The following CYP4X1 variants were observed in gnomAD, a reference collection of about 807,000 sequenced individuals.
CYP4X1 encodes cytochrome P450 family 4 subfamily X member 1, also known as cytochrome P450 4X1.
Under a neutral mutation model 57.9 loss-of-function variants are expected in CYP4X1, and 44 were observed. The observed-to-expected ratio is 0.76, with a 90% CI of 0.60 to 0.98. The LOEUF is 0.98. CYP4X1 is among the 50% of genes least tolerant of loss of function. The probability of loss-of-function intolerance (pLI) is 0.00; values close to 1 mark genes in which losing one functional copy is unlikely to be tolerated. For synonymous variants in CYP4X1, 227 were observed against 228.6 expected, an observed-to-expected ratio of 0.99 and a Z score of 0.06; for missense variants, 532 against 623.9, an observed-to-expected ratio of 0.85 and a Z score of 1.57.
chr1:46,972,229 G>T, the CYP4X1 span, among the ~76,000 whole-genome samples: 1 of 152,150 alleles, frequency 6.6e-6, no homozygotes, highest in Non-Finnish European at 1.5e-5. Context: ...GGTTGGCTTT[G>T]TCGAAGATCA....
intron 8 of CYP4X1, among the ~76,000 whole-genome samples, chr1:47,043,169 A>G (rs539196218): frequency 1.3e-5 from 2 of 152,242 alleles, no homozygotes; most frequent in South Asian, 2.1e-4. Flanking sequence ...GTAAGGTGGT[A>G]TTGCACTGTG....
chr1:47,014,434 G>T, the CYP4X1 span, among the ~76,000 whole-genome samples: 1 of 152,092 alleles, frequency 6.6e-6, no homozygotes, highest in South Asian at 2.1e-4. Flanking sequence ...AAATCCCTGA[G>T]ATCCCCATCC....
At chr1:47,020,477 G>T (rs1035437310), upstream of CYP4X1, among the ~76,000 whole-genome samples, 11 of 152,308 alleles carry the variant, frequency 7.2e-5, no homozygotes, top group African/African-American at 2.4e-4. Context: ...TTCATTACTG[G>T]CTCCTTTGTC....
chr1:46,996,927 T>C, the CYP4X1 span, among the ~76,000 whole-genome samples: 1 of 152,220 alleles, frequency 6.6e-6, no homozygotes, highest in African/African-American at 2.4e-5. Flanking sequence ...GAACTTGGTA[T>C]TTTTGTTGCT....
In CYP4X1 at chr1:47,035,840, CA is replaced by C. The variant is rs758078755; in HGVS notation, c.529del (p.Ser177AlafsTer15). The C allele has an allele frequency of 2.2e-5, 36 of 1,613,512 alleles. 1 individual carries two copies. In the African/African-American group the frequency reaches 4.4e-4, roughly 20 times the overall value. ...GAGAAGATTTGCAGCACTCAGGACA[CA>C]AGCGTGGAGGTCTATGAGCACATCA... is the stretch of plus-strand genomic sequence containing the variant. ...KWEKICSTQD[T>X]SVEVYEHINS... On this transcript the variant is annotated frameshift_variant, in exon 5 of 12. Coordinates refer to ENST00000371901, the MANE Select transcript of CYP4X1 (RefSeq NM_178033.2). LOFTEE classifies it high-confidence loss of function.
the CYP4X1 span, among the ~76,000 whole-genome samples, chr1:46,969,397 A>C: frequency 6.6e-6 from 1 of 152,182 alleles, no homozygotes; most frequent in Non-Finnish European, 1.5e-5. Flanking sequence ...GAGTGGTCTA[A>C]TGGAACTCGT....
chr1:47,042,286 CT>C (rs3073873), intron 8 of CYP4X1, among the ~76,000 whole-genome samples: 41,718 of 136,318 alleles, frequency 0.31, 6,367 homozygotes, highest in East Asian at 0.67. Flanking sequence ...AATTTTAGGG[CT>C]TTTTTTTTTT....
chr1:47,010,274 T>C, the CYP4X1 span, among the ~76,000 whole-genome samples: 1 of 152,138 alleles, frequency 6.6e-6, no homozygotes, highest in East Asian at 1.9e-4. Context: ...AATCAATAAA[T>C]GTAATCCAGC....
chr1:46,971,273 ACAG>A, the CYP4X1 span, among the ~76,000 whole-genome samples: 1 of 152,224 alleles, frequency 6.6e-6, no homozygotes, highest in Non-Finnish European at 1.5e-5. Context: ...TTATGGCTGC[ACAG>A]TATTCCATGG....
upstream of CYP4X1, among the ~76,000 whole-genome samples, chr1:47,021,897 G>A (rs1644001344): frequency 1.3e-5 from 2 of 152,170 alleles, no homozygotes; most frequent in East Asian, 3.9e-4. Context: ...TCGGTCTCAT[G>A]AAGAACCCAG....
intron 3 of CYP4X1, among the ~76,000 whole-genome samples, chr1:47,031,957 C>T (rs751405663): frequency 4.8e-4 from 73 of 152,168 alleles, no homozygotes; most frequent in African/African-American, 1.7e-3. Context: ...ACATGAGAAT[C>T]GCTTGAACCT....
At chr1:47,033,931 A>G (rs1353992588) in intron 4 of CYP4X1, among the ~76,000 whole-genome samples, 2 of 152,240 alleles carry the variant, frequency 1.3e-5, no homozygotes, top group African/African-American at 4.8e-5. Flanking sequence ...TGGTAAGTAC[A>G]TGCTCTTACA....
At chr1:47,014,876 C>T in the CYP4X1 span, among the ~76,000 whole-genome samples, 6 of 152,128 alleles carry the variant, frequency 3.9e-5, no homozygotes, top group Non-Finnish European at 7.4e-5. Flanking sequence ...CCCTGTCCTT[C>T]AAAGGAACTG....
upstream of CYP4X1, among the ~76,000 whole-genome samples, chr1:47,020,832 T>C (rs1041062203): frequency 6.6e-6 from 1 of 152,206 alleles, no homozygotes; most frequent in African/African-American, 2.4e-5. Context: ...TACTGAATTA[T>C]TATAATTTCG....
rs976981255 is a variant in CYP4X1 at position 47,029,611 on chromosome 1, T to C, written c.178-379T>C. ...GGGTCATGCCCCATTTAGTAACTGTTAGTTTCCCACATAGGAAATACTTCT... is the reference window on the plus strand; with the variant it reads ...GGGTCATGCCCCATTTAGTAACTGTCAGTTTCCCACATAGGAAATACTTCT... On this transcript the variant is annotated intron_variant, in intron 1 of 11. Transcript: ENST00000371901. Among the ~76,000 whole-genome samples, 5 of 152,184 alleles carry C rather than the reference T, an allele frequency of 3.3e-5. No homozygotes were observed. The South Asian group carries it at 1.0e-3, about 31-fold the overall frequency.
At chr1:46,978,522 AATGGGAG>A in the CYP4X1 span, among the ~76,000 whole-genome samples, 1 of 152,094 alleles carries the variant, frequency 6.6e-6, no homozygotes, top group South Asian at 2.1e-4. Flanking sequence ...CCCACACAAT[AATGGGAG>A]ACTTTAACAC....
chr1:47,023,642 T>C, upstream of CYP4X1: 2 of 1,334,638 alleles, frequency 1.5e-6, no homozygotes, highest in Non-Finnish European at 1.9e-6. Flanking sequence ...GCCTGCCTCC[T>C]CTCCCCAGGC....
intron 9 of CYP4X1, among the ~76,000 whole-genome samples, chr1:47,047,145 C>T (rs1644311830): frequency 1.3e-5 from 2 of 152,100 alleles, no homozygotes; most frequent in Admixed American, 6.5e-5. Flanking sequence ...CAATGTGGCC[C>T]AAAATCCAGA....
At chr1:47,021,870 A>G (rs1018054480), upstream of CYP4X1, among the ~76,000 whole-genome samples, 2 of 152,160 alleles carry the variant, frequency 1.3e-5, no homozygotes, top group Non-Finnish European at 2.9e-5. Context: ...AAGGTCACCA[A>G]CCACACATAC....
Sources: gnomAD v4.1 joint callset for allele counts (sites outside exome capture counted in the v4.1 genomes callset) on GRCh38, gnomAD v4.1.1 for gene constraint, MANE v1.5 for transcripts, NCBI Gene and HGNC (gene_info 2026-07-23, HGNC 2026-07-21) for gene names.